TTC12: variants seen among roughly 807,000 people sequenced by gnomAD.
TTC12 encodes the protein tetratricopeptide repeat domain 12, also known as tetratricopeptide repeat protein 12.
TTC12 carries 70 observed loss-of-function variants against 90.1 expected under a neutral mutation model. The ratio of observed to expected loss-of-function variants is 0.78; its 90% CI spans 0.64 to 0.95. The LOEUF (loss-of-function observed/expected upper bound fraction) is 0.95. TTC12 is among the 40% of genes least tolerant of loss of function. The pLI, the probability that TTC12 is intolerant of heterozygous loss-of-function variation, is 0.00. For synonymous variants in TTC12, 296 were observed against 311.5 expected (o/e 0.95, Z 0.53); for missense variants, 819 against 846.1 (o/e 0.97, Z 0.40).
intron 16 of TTC12, among the ~76,000 whole-genome samples, chr11:113,352,625 C>T: frequency 6.6e-6 from 1 of 151,954 alleles, no homozygotes; most frequent in East Asian, 1.9e-4. Context: ...TCTGGCAGGC[C>T]CCAGTGTGTG....
At position 113,365,048 on chromosome 11, in the gene TTC12, C is replaced by G; in HGVS notation, c.2030C>G (p.Thr677Arg). The G allele has an allele frequency of 1.2e-6, 2 of 1,613,780 alleles. No homozygotes were observed. Among genetic ancestry groups the G allele is most frequent in the Non-Finnish European group, 1.7e-6 (2 of 1,179,784 alleles). The change falls in exon 21 of 22, where the codon ACA becomes AGA. Residue 677 changes from threonine (T) to arginine (R), a missense_variant. Transcript: ENST00000529221. ...NAGIALGKLC[T>R]AEPRFAAQLR... ...GGCATTGCTCTGGGGAAGCTGTGCA[C>G]AGCTGAGCCCAGGTATGCTGTGGAC...
rs1303755040 is a variant in TTC12 at position 113,352,052 on chromosome 11, C to A, written c.1309-18C>A. The stretch of plus-strand genomic sequence containing the variant: ...TGCCTGCTCTCTGAGGCTCTGCCTT[C>A]TCTCAATTCTCATTTAGAAGACAGA... On this transcript the variant is annotated intron_variant, in intron 15 of 21. Coordinates refer to ENST00000529221, the MANE Select transcript of TTC12 (RefSeq NM_017868.4). 4 of 1,612,000 alleles carry A rather than the reference C, an allele frequency of 2.5e-6. No homozygotes were observed. Among genetic ancestry groups the A allele is most frequent in the Non-Finnish European group, 3.4e-6 (4 of 1,179,282 alleles).
At chr11:113,366,506 C>T, downstream of TTC12, 1 of 767,718 alleles carries the variant, frequency 1.3e-6, no homozygotes. Flanking sequence ...ACTCGACTTC[C>T]ATTGTACCCT....
chr11:113,339,354 G>C lies in TTC12; in HGVS notation c.706G>C (p.Asp236His). 6.2e-7 allele frequency: 1 copy of C among 1,613,936 alleles called. No individual in the cohort carries two copies. The highest frequency in any genetic ancestry group is 8.5e-7 in the Non-Finnish European group (1 of 1,179,952). Residue 236 changes from aspartate (D) to histidine (H), a missense_variant, in exon 10 of 22, where the codon GAT (aspartate) becomes CAT (histidine). By Grantham distance (81) the Asp-to-His change is moderately conservative. Transcript: ENST00000529221. ...AGAAAAGGAAGCCCACGAACTGCTG[G>C]ATTCAGGAAAGAACACAGCCGTGAC... ...LQEKEAHELL[D>H]SGKNTAVTTK...
chr11:113,321,150 A>G (rs1276749331), intron 2 of TTC12, among the ~76,000 whole-genome samples: 1 of 152,262 alleles, frequency 6.6e-6, no homozygotes, highest in African/African-American at 2.4e-5. Context: ...GAAGATGCTC[A>G]ATTCCAATCA....
At chr11:113,359,235 C>A in intron 16 of TTC12, 128 bp from the exon 17 acceptor site, 1 of 621,946 alleles carries the variant, frequency 1.6e-6, no homozygotes, top group East Asian at 2.6e-5. Flanking sequence ...CCTCCACCAT[C>A]ATTTAGGTTC....
chr11:113,320,262 G>A (rs554781541), intron 2 of TTC12, among the ~76,000 whole-genome samples: 82 of 152,226 alleles, frequency 5.4e-4, no homozygotes, highest in Middle Eastern at 3.4e-3. Flanking sequence ...TTCTGTTTTC[G>A]TGCCCAAAAA....
intron 20 of TTC12, 57 bp from the exon 21 acceptor site, chr11:113,364,778 C>T (rs1950117058): frequency 8.8e-6 from 13 of 1,472,960 alleles, no homozygotes; most frequent in South Asian, 2.3e-5. Flanking sequence ...GTCCTGTTGC[C>T]AGCCTCCTAT....
chr11:113,355,174 G>A (rs1432421833), intron 16 of TTC12, among the ~76,000 whole-genome samples: 3 of 151,918 alleles, frequency 2.0e-5, no homozygotes, highest in Admixed American at 6.6e-5. Flanking sequence ...TTTTTTTCCT[G>A]GTTCAGCCTT....
chr11:113,334,540 G>C (rs1948242489), intron 7 of TTC12, among the ~76,000 whole-genome samples: 1 of 151,912 alleles, frequency 6.6e-6, no homozygotes, highest in South Asian at 2.1e-4. Context: ...AAACTTGCCT[G>C]CACATTTACC....
At chr11:113,349,506 G>T (rs576312804) in intron 13 of TTC12, among the ~76,000 whole-genome samples, 1 of 152,212 alleles carries the variant, frequency 6.6e-6, no homozygotes, top group African/African-American at 2.4e-5. Context: ...GTTTGTAAGT[G>T]GCTAAAAATC....
At position 113,365,167 on chromosome 11, in the gene TTC12, C is replaced by T. The variant is rs1950142715; in HGVS notation, c.2042+107C>T. On this transcript the variant is annotated intron_variant, in intron 21 of 21. Transcript: ENST00000529221. The stretch of plus-strand genomic sequence containing the variant: ...ATGCCACACAGAACAGTGTGGGAAG[C>T]CCTCATGCTTTCTGTGCAGACCTAG... The T allele has an allele frequency of 6.0e-6, 6 of 1,003,260 alleles. No individual in the cohort carries two copies. The Admixed American group carries it at 6.1e-5, about 10-fold the overall frequency. 62.1% of individuals were successfully genotyped at this position (1,003,260 alleles called of 1,614,324 possible).
chr11:113,324,811 G>A (rs2137931876), intron 5 of TTC12, 129 bp downstream of exon 5: 1 of 729,338 alleles, frequency 1.4e-6, no homozygotes, highest in South Asian at 1.8e-5. Flanking sequence ...GCTTGAGGCA[G>A]TGGGACCTGG....
intron 18 of TTC12, 51 bp downstream of exon 18, chr11:113,360,059 G>C (rs1949835231): frequency 4.3e-6 from 5 of 1,158,624 alleles, no homozygotes; most frequent in Non-Finnish European, 5.0e-6. Flanking sequence ...TTCTTGTTTT[G>C]TTTTGTTTTG....
chr11:113,359,208 T>C (rs1949784005), intron 16 of TTC12, among the ~76,000 whole-genome samples, 155 bp from the exon 17 acceptor site: 1 of 152,016 alleles, frequency 6.6e-6, no homozygotes, highest in Non-Finnish European at 1.5e-5. Context: ...CACTAACTCA[T>C]AGAACTGGTC....
At chr11:113,353,843 C>T (rs1432400734) in intron 16 of TTC12, among the ~76,000 whole-genome samples, 1 of 152,114 alleles carries the variant, frequency 6.6e-6, no homozygotes, top group Non-Finnish European at 1.5e-5. Flanking sequence ...TATACCAGTA[C>T]CATGTGTTTT....
At chr11:113,325,759 C>T (rs900231518) in intron 6 of TTC12, 114 bp downstream of exon 6, 1 of 1,409,764 alleles carries the variant, frequency 7.1e-7, no homozygotes, top group South Asian at 1.3e-5. Context: ...TAAGAACTGG[C>T]TCTTGTTTTA....
chr11:113,359,597 G>A (rs1350897753), intron 17 of TTC12, 136 bp downstream of exon 17: 5 of 667,580 alleles, frequency 7.5e-6, no homozygotes, highest in Admixed American at 2.5e-5. Flanking sequence ...GAAAAGGCTG[G>A]AGGGATGCGC....
downstream of TTC12, among the ~76,000 whole-genome samples, chr11:113,369,792 A>G (rs999746120): frequency 6.6e-6 from 1 of 152,162 alleles, no homozygotes; most frequent in Admixed American, 6.5e-5. Flanking sequence ...AGTACCTAGC[A>G]TAGGTGACTG....
Sources: allele counts gnomAD v4.1 joint callset (sites outside exome capture counted in the v4.1 genomes callset), GRCh38; gene constraint gnomAD v4.1.1; transcripts MANE v1.5; gene names NCBI Gene and HGNC (gene_info 2026-07-23, HGNC 2026-07-21).